ARHGAP26: variants seen among roughly 807,000 people sequenced by gnomAD.
ARHGAP26 encodes rho GTPase-activating protein 26.
Under a neutral mutation model 104.8 loss-of-function variants are expected in ARHGAP26, and 38 were observed. The observed-to-expected ratio is 0.36, with a 90% CI of 0.28 to 0.48. ARHGAP26 has a LOEUF of 0.48. ARHGAP26 is among the 20% of genes least tolerant of loss of function. The pLI is 0.99. For missense variants in ARHGAP26, 704 were observed against 947.9 expected (o/e 0.74, Z 3.38); for synonymous variants, 341 against 340.0 (o/e 1.00, Z -0.03).
chr5:142,819,188 C>T (rs541935552), intron 1 of ARHGAP26, among the ~76,000 whole-genome samples: 9 of 152,280 alleles, frequency 5.9e-5, no homozygotes, highest in Non-Finnish European at 1.0e-4. Context: ...TAGTCCAAGT[C>T]GAAAACATTC....
At chr5:143,176,528 C>T (rs1446841954) in intron 20 of ARHGAP26, among the ~76,000 whole-genome samples, 1 of 152,174 alleles carries the variant, frequency 6.6e-6, no homozygotes, top group Non-Finnish European at 1.5e-5. Flanking sequence ...CACCTCCATG[C>T]TCATATGCAT....
chr5:143,026,271 T>C (rs540395044), intron 12 of ARHGAP26, among the ~76,000 whole-genome samples: 1 of 152,350 alleles, frequency 6.6e-6, no homozygotes, highest in African/African-American at 2.4e-5. Flanking sequence ...CAGGGCAGAT[T>C]GTCTCTGCTC....
At chr5:143,198,754 C>T (rs1473629759) in intron 20 of ARHGAP26, among the ~76,000 whole-genome samples, 1 of 152,170 alleles carries the variant, frequency 6.6e-6, no homozygotes, top group Non-Finnish European at 1.5e-5. Flanking sequence ...ACCATTCCTA[C>T]TCACCCCATC....
At chr5:143,001,430 C>T (rs1043672194) in intron 11 of ARHGAP26, among the ~76,000 whole-genome samples, 3 of 152,130 alleles carry the variant, frequency 2.0e-5, no homozygotes, top group African/African-American at 7.2e-5. Flanking sequence ...TATTAAAAAG[C>T]AAGATGGACT....
intron 11 of ARHGAP26, among the ~76,000 whole-genome samples, chr5:142,953,137 A>G (rs1226763693): frequency 2.0e-5 from 3 of 152,204 alleles, no homozygotes; most frequent in Non-Finnish European, 1.5e-5. Flanking sequence ...ATGAACGCCC[A>G]CACCAACCAG....
intron 17 of ARHGAP26, among the ~76,000 whole-genome samples, chr5:143,083,704 G>C (rs528106890): frequency 1.4e-4 from 21 of 152,178 alleles, no homozygotes. Context: ...TCACCATGTT[G>C]CCCAGGCTGG....
intron 18 of ARHGAP26, among the ~76,000 whole-genome samples, chr5:143,121,692 G>A (rs1324660833): frequency 2.0e-5 from 3 of 151,988 alleles, no homozygotes; most frequent in African/African-American, 7.3e-5. Context: ...CTTTTCTTTT[G>A]GGGAATTGGG....
chr5:142,847,024 C>T (rs1173787514), intron 1 of ARHGAP26, among the ~76,000 whole-genome samples: 1 of 151,744 alleles, frequency 6.6e-6, no homozygotes, highest in Non-Finnish European at 1.5e-5. Flanking sequence ...TCATGAAGGG[C>T]CCCATGTGGG....
At chr5:143,105,259 C>T (rs947288444) in intron 17 of ARHGAP26, among the ~76,000 whole-genome samples, 5 of 151,974 alleles carry the variant, frequency 3.3e-5, no homozygotes, top group African/African-American at 1.2e-4. Context: ...TGATTGTAAT[C>T]CTAGCTACTC....
intron 20 of ARHGAP26, among the ~76,000 whole-genome samples, chr5:143,188,753 A>G (rs1805493019): frequency 6.6e-6 from 1 of 152,270 alleles, no homozygotes; most frequent in Non-Finnish European, 1.5e-5. Flanking sequence ...TTGCAAGTGA[A>G]TTAACATAAA....
chr5:142,823,477 C>T (rs1766607650), intron 1 of ARHGAP26, among the ~76,000 whole-genome samples: 1 of 152,064 alleles, frequency 6.6e-6, no homozygotes, highest in Non-Finnish European at 1.5e-5. Flanking sequence ...ATTGTCCACC[C>T]TAAAGCCTGG....
intron 11 of ARHGAP26, among the ~76,000 whole-genome samples, chr5:142,980,457 A>G (rs929766024): frequency 6.6e-6 from 1 of 151,188 alleles, no homozygotes; most frequent in African/African-American, 2.4e-5. Flanking sequence ...GGTGCGATCT[A>G]GGCTCACTGC....
chr5:143,148,072 C>T (rs916806491), intron 20 of ARHGAP26, among the ~76,000 whole-genome samples: 1 of 152,138 alleles, frequency 6.6e-6, no homozygotes, highest in Non-Finnish European at 1.5e-5. Context: ...CTTAGACTAC[C>T]CCATAAATCT....
At chr5:142,813,367 G>C (rs985704556) in intron 1 of ARHGAP26, among the ~76,000 whole-genome samples, 1 of 152,224 alleles carries the variant, frequency 6.6e-6, no homozygotes, top group Admixed American at 6.5e-5. Context: ...TCAGTGGCCT[G>C]ATAGGACTTT....
At chr5:143,111,765 A>G (rs533283415) in intron 17 of ARHGAP26, among the ~76,000 whole-genome samples, 2 of 152,340 alleles carry the variant, frequency 1.3e-5, no homozygotes, top group East Asian at 1.9e-4. Flanking sequence ...TAATTATTAG[A>G]CCTCGTAAAT....
intron 12 of ARHGAP26, among the ~76,000 whole-genome samples, chr5:143,021,669 C>T (rs1780358549): frequency 6.6e-6 from 1 of 152,122 alleles, no homozygotes; most frequent in Non-Finnish European, 1.5e-5. Context: ...ATAATAATAC[C>T]CCTGCTTCAT....
At chr5:143,098,728 G>A (rs1227459604) in intron 17 of ARHGAP26, among the ~76,000 whole-genome samples, 1 of 152,094 alleles carries the variant, frequency 6.6e-6, no homozygotes, top group Non-Finnish European at 1.5e-5. Context: ...ATTCCTCCGA[G>A]CCTCAGTTTT....
rs369917618 is a variant in ARHGAP26 at position 143,212,928 on chromosome 5, G to A, written c.2100-1069G>A. Among the ~76,000 whole-genome samples, 315 of 152,246 alleles carry A rather than the reference G, an allele frequency of 2.1e-3. 4 individuals carry two copies. In the Middle Eastern group the frequency reaches 0.024, roughly 12 times the overall value. ...TGGGAGGCTGAGGCAGGCGGATCAC[G>A]AGGTCAGGAGATTGAGACCATCCTG... On this transcript the variant is annotated intron_variant, in intron 21 of 22. Transcript: ENST00000645722.
intron 12 of ARHGAP26, among the ~76,000 whole-genome samples, chr5:143,029,879 G>A (rs1304604387): frequency 2.6e-5 from 4 of 152,182 alleles, no homozygotes; most frequent in Non-Finnish European, 5.9e-5. Flanking sequence ...TTTAGGGACA[G>A]TAACCCTTTC....
Sources: gnomAD v4.1 joint callset for allele counts (sites outside exome capture counted in the v4.1 genomes callset) on GRCh38, gnomAD v4.1.1 for gene constraint, MANE v1.5 for transcripts, NCBI Gene and HGNC (gene_info 2026-07-23, HGNC 2026-07-21) for gene names.